The following LDB2 variants were observed in gnomAD, a reference collection of about 807,000 sequenced individuals.
LDB2 encodes the protein LIM domain-binding protein 2.
A neutral mutation model predicts 44.3 loss-of-function variants in LDB2; 12 were observed. The ratio of observed to expected loss-of-function variants is 0.27; its 90% CI spans 0.17 to 0.44. The LOEUF is 0.44. Ranked by LOEUF, LDB2 falls within the 20% of genes least tolerant of loss-of-function variation. LDB2 has a pLI of 1.00. For synonymous variants in LDB2, 164 were observed against 174.8 expected (o/e 0.94, Z 0.49); for missense variants, 344 against 473.5 (o/e 0.73, Z 2.54).
At chr4:16,765,400 G>A (rs547121717) in intron 1 of LDB2, among the ~76,000 whole-genome samples, 63 of 152,312 alleles carry the variant, frequency 4.1e-4, no homozygotes, top group African/African-American at 1.5e-3. Flanking sequence ...TCCAGCAAAT[G>A]CCAAGATGCA....
intron 2 of LDB2, among the ~76,000 whole-genome samples, chr4:16,754,221 G>A (rs936223995): frequency 3.3e-5 from 5 of 152,122 alleles, no homozygotes; most frequent in African/African-American, 9.7e-5. Flanking sequence ...AGCGAGAGTG[G>A]GTTTCTGCAC....
intron 2 of LDB2, among the ~76,000 whole-genome samples, chr4:16,712,104 A>G (rs1172799089): frequency 6.6e-6 from 1 of 152,208 alleles, no homozygotes. Flanking sequence ...TTCAAGAGAG[A>G]TCCTGAAGGA....
intron 1 of LDB2, among the ~76,000 whole-genome samples, chr4:16,816,719 T>C (rs528942529): frequency 6.6e-6 from 1 of 152,314 alleles, no homozygotes; most frequent in East Asian, 1.9e-4. Flanking sequence ...CTTTAGTTCT[T>C]ATTTTCTCTG....
chr4:16,609,578 G>T (rs1725042082), intron 2 of LDB2, among the ~76,000 whole-genome samples: 1 of 152,214 alleles, frequency 6.6e-6, no homozygotes, highest in Admixed American at 6.5e-5. Flanking sequence ...CACATCGGCT[G>T]TGGCAGTCTG....
At chr4:16,750,697 A>G (rs1162986286) in intron 2 of LDB2, among the ~76,000 whole-genome samples, 3 of 152,234 alleles carry the variant, frequency 2.0e-5, no homozygotes, top group African/African-American at 7.2e-5. Context: ...AAGAAAACAC[A>G]GGATGCTCAG....
At chr4:16,819,314 C>T (rs1381407527) in intron 1 of LDB2, among the ~76,000 whole-genome samples, 2 of 150,910 alleles carry the variant, frequency 1.3e-5, no homozygotes, top group African/African-American at 4.9e-5. Flanking sequence ...CGAACAAGAC[C>T]CTGAATAAAA....
chr4:16,512,335 CACAG>C (rs1293368140), intron 5 of LDB2: 5 of 444,250 alleles, frequency 1.1e-5, no homozygotes, highest in Non-Finnish European at 2.0e-5. Flanking sequence ...CGGATACACA[CACAG>C]ACACACACAA....
rs574516231 is a variant in LDB2 at position 16,638,270 on chromosome 4, C to T, written c.236-42395G>A. ...CACACTTTCACTTGGTACTTCCTGG[C>T]TTCCTACTCTTTGTGGTGTTGAATG... is the stretch of plus-strand genomic sequence containing the variant. On this transcript the variant is annotated intron_variant, in intron 2 of 7. Transcript: ENST00000304523. Among the ~76,000 whole-genome samples the T allele has an allele frequency of 1.0e-3, 157 of 152,308 alleles. 1 individual carries two copies. The highest frequency in any genetic ancestry group is 3.7e-3 in the African/African-American group (155 of 41,570).
At chr4:16,509,180 A>C (rs1244959573) in intron 6 of LDB2, among the ~76,000 whole-genome samples, 2 of 152,172 alleles carry the variant, frequency 1.3e-5, no homozygotes, top group African/African-American at 2.4e-5. Flanking sequence ...TCTACTGGTG[A>C]AATGTCATAT....
At chr4:16,638,357 G>A (rs150704749) in intron 2 of LDB2, among the ~76,000 whole-genome samples, 104 of 152,280 alleles carry the variant, frequency 6.8e-4, no homozygotes, top group African/African-American at 2.2e-3. Flanking sequence ...AGCGTTCACC[G>A]TTCAGTAGCA....
intron 2 of LDB2, among the ~76,000 whole-genome samples, chr4:16,605,877 G>A (rs1382801712): frequency 6.6e-6 from 1 of 152,156 alleles, no homozygotes; most frequent in Admixed American, 6.5e-5. Context: ...CACCAGGAGG[G>A]GGAACTGCCA....
At chr4:16,666,552 G>A (rs1279150078) in intron 2 of LDB2, among the ~76,000 whole-genome samples, 1 of 152,170 alleles carries the variant, frequency 6.6e-6, no homozygotes, top group African/African-American at 2.4e-5. Flanking sequence ...GGTTCTTCGA[G>A]TGTTGCTTCA....
At chr4:16,519,818 A>T (rs113865411) in intron 5 of LDB2, among the ~76,000 whole-genome samples, 15 of 151,938 alleles carry the variant, frequency 9.9e-5, no homozygotes, top group Non-Finnish European at 1.8e-4. Context: ...AACCCTTAAT[A>T]CAAAAGCCTG....
chr4:16,529,692 TC>T (rs1451352043), intron 5 of LDB2, among the ~76,000 whole-genome samples: 1 of 152,228 alleles, frequency 6.6e-6, no homozygotes, highest in Non-Finnish European at 1.5e-5. Flanking sequence ...CTTTCATTCT[TC>T]CATGCTTTGA....
intron 1 of LDB2, among the ~76,000 whole-genome samples, chr4:16,815,951 T>TA (rs1371908009): frequency 5.9e-5 from 9 of 152,200 alleles, no homozygotes; most frequent in African/African-American, 1.2e-4. Context: ...CTCATGCCTA[T>TA]AATCCCAGCA....
intron 5 of LDB2, among the ~76,000 whole-genome samples, chr4:16,567,530 G>A (rs568108018): frequency 9.2e-4 from 140 of 152,244 alleles, no homozygotes; most frequent in African/African-American, 3.2e-3. Context: ...TGAGTGTTTG[G>A]GAGGCCGAGG....
chr4:16,792,147 A>G (rs1224401056), intron 1 of LDB2, among the ~76,000 whole-genome samples: 1 of 152,240 alleles, frequency 6.6e-6, no homozygotes, highest in Non-Finnish European at 1.5e-5. Context: ...TTGTGAGATC[A>G]TTAGTGTTAA....
At chr4:16,726,765 GT>G (rs1229094972) in intron 2 of LDB2, among the ~76,000 whole-genome samples, 1 of 152,148 alleles carries the variant, frequency 6.6e-6, no homozygotes, top group African/African-American at 2.4e-5. Flanking sequence ...TGCATAGGGG[GT>G]TTTTGAACGT....
At chr4:16,514,161 T>TAAAC (rs1355933763) in intron 5 of LDB2, among the ~76,000 whole-genome samples, 1 of 152,222 alleles carries the variant, frequency 6.6e-6, no homozygotes, top group Non-Finnish European at 1.5e-5. Context: ...TCATTGAGCC[T>TAAAC]AAACATAAAA....
Sources: gnomAD v4.1 joint callset for allele counts (sites outside exome capture counted in the v4.1 genomes callset) on GRCh38, gnomAD v4.1.1 for gene constraint, MANE v1.5 for transcripts, NCBI Gene and HGNC (gene_info 2026-07-23, HGNC 2026-07-21) for gene names.